Variants in SATL1 observed in about 807,000 individuals in gnomAD.
SATL1 encodes the protein spermidine/spermine N1-acetyl transferase like 1.
SATL1 carries 47 observed loss-of-function variants against 51.8 expected under a neutral mutation model. That is an observed-to-expected ratio of 0.91 (90% CI 0.72 to 1.16). The LOEUF (loss-of-function observed/expected upper bound fraction) is 1.16, where lower values mean the gene tolerates loss of function less well. Among genes scored for constraint, SATL1 ranks in the 50% most tolerant of loss-of-function variants. The probability of loss-of-function intolerance (pLI) is 0.00; values close to 1 mark genes in which losing one functional copy is unlikely to be tolerated. For synonymous variants in SATL1, 176 were observed against 182.4 expected, an observed-to-expected ratio of 0.97 and a Z score of 0.28; for missense variants, 520 against 526.4, an observed-to-expected ratio of 0.99 and a Z score of 0.12.
At position 85,094,915 on chromosome X, in the gene SATL1, C is replaced by T. The variant is rs1472904279; in HGVS notation, c.1774+1G>A. ...AACTGGAGAAGAAAGGTTTACTCTA[C>T]CTGATGGTTTTTGTTGATCGTTTAC... On this transcript the variant is annotated splice_donor_variant, in intron 5 of 7. Transcript: ENST00000644105. LOFTEE classifies it high-confidence loss of function. The T allele has an allele frequency of 1.1e-5, 13 of 1,147,310 alleles. No homozygotes were observed. Among genetic ancestry groups the T allele is most frequent in the Non-Finnish European group, 1.5e-5 (13 of 841,213 alleles). 94.6% of individuals were successfully genotyped at this position (1,147,310 alleles called of 1,213,427 possible). A position where few individuals can be genotyped will look rare whatever the true frequency, so the allele number is the denominator to read the frequency against.
At chrX:85,162,349 A>G (rs1926740560) in intron 2 of SATL1, among the ~76,000 whole-genome samples, 1 of 111,395 alleles carries the variant, frequency 9.0e-6, no homozygotes, top group Admixed American at 9.6e-5. Flanking sequence ...AAACCATTCA[A>G]AAGATCAATC....
At chrX:85,183,207 G>C (rs989514075) in intron 2 of SATL1, among the ~76,000 whole-genome samples, 1 of 110,131 alleles carries the variant, frequency 9.1e-6, no homozygotes, top group Non-Finnish European at 1.9e-5. Context: ...TTATAGTTTC[G>C]GGTTCTATAT....
At chrX:85,224,768 CAAA>C (rs58905613) in intron 1 of SATL1, among the ~76,000 whole-genome samples, 1,583 of 59,729 alleles carry the variant, frequency 0.027, 37 homozygotes, top group African/African-American at 0.079. Flanking sequence ...GAGTATATAT[CAAA>C]AAAAAAAAAA....
chrX:85,095,913 A>G (rs1924707904), intron 4 of SATL1, among the ~76,000 whole-genome samples: 1 of 109,192 alleles, frequency 9.2e-6, no homozygotes, highest in Admixed American at 9.8e-5. Context: ...CCTGACACAG[A>G]GAACGCCCTG....
chrX:85,217,900 T>C (rs1282007721), intron 2 of SATL1, among the ~76,000 whole-genome samples: 2 of 111,941 alleles, frequency 1.8e-5, no homozygotes, highest in East Asian at 2.8e-4. Context: ...GCAACAAATA[T>C]ATATATTTTA....
At chrX:85,202,718 C>A (rs1289500843) in intron 2 of SATL1, among the ~76,000 whole-genome samples, 1 of 112,000 alleles carries the variant, frequency 8.9e-6, no homozygotes, top group Non-Finnish European at 1.9e-5. Flanking sequence ...TGCTGTGGGC[C>A]CAAGCCAGGC....
intron 2 of SATL1, among the ~76,000 whole-genome samples, chrX:85,115,637 A>C (rs1227047100): frequency 8.9e-6 from 1 of 112,344 alleles, no homozygotes; most frequent in Non-Finnish European, 1.9e-5. Flanking sequence ...GTGAAGTGTA[A>C]CTAGAGAAAA....
chrX:85,150,771 C>T (rs1325660321), intron 2 of SATL1, among the ~76,000 whole-genome samples: 108 of 110,206 alleles, frequency 9.8e-4, no homozygotes, highest in African/African-American at 3.0e-3. Flanking sequence ...AACAACCCTT[C>T]ATGCTAAAAA....
intron 2 of SATL1, among the ~76,000 whole-genome samples, chrX:85,212,373 A>T (rs1927946175): frequency 8.9e-6 from 1 of 111,946 alleles, no homozygotes; most frequent in African/African-American, 3.2e-5. Context: ...ATTGTACTTC[A>T]TTTATTTAAG....
At chrX:85,214,862 T>A (rs1211536656) in intron 2 of SATL1, among the ~76,000 whole-genome samples, 1 of 111,953 alleles carries the variant, frequency 8.9e-6, no homozygotes, top group African/African-American at 3.3e-5. Context: ...TCTTGCATCC[T>A]GGGCACACTG....
intron 2 of SATL1, chrX:85,209,170 T>C (rs1927853439): frequency 8.9e-6 from 1 of 112,166 alleles, no homozygotes; most frequent in Admixed American, 9.5e-5. Flanking sequence ...TGCTTGTTTT[T>C]GTCAGGTTTG....
intron 2 of SATL1, among the ~76,000 whole-genome samples, chrX:85,190,436 T>C (rs1229665251): frequency 8.9e-6 from 1 of 111,737 alleles, no homozygotes; most frequent in African/African-American, 3.3e-5. Context: ...TCAATCTCAC[T>C]TTCTTTTTTC....
chrX:85,148,575 G>T (rs1056140048), intron 2 of SATL1, among the ~76,000 whole-genome samples: 10 of 111,059 alleles, frequency 9.0e-5, no homozygotes, highest in African/African-American at 2.6e-4. Flanking sequence ...GAAAGGTCGG[G>T]TTACCCACAA....
At chrX:85,239,129 GAAATA>G (rs1470477375) in intron 1 of SATL1, among the ~76,000 whole-genome samples, 71 of 110,349 alleles carry the variant, frequency 6.4e-4, no homozygotes, top group African/African-American at 1.5e-3. Flanking sequence ...AAAATAAAAT[GAAATA>G]AAATAAAATA....
At chrX:85,117,239 C>A (rs1381869380) in intron 2 of SATL1, 1 of 111,427 alleles carries the variant, frequency 9.0e-6, no homozygotes, top group Non-Finnish European at 1.9e-5. Context: ...TTCATTCTCA[C>A]GTTAAAGCTT....
At chrX:85,115,111 G>A (rs1925353185) in intron 2 of SATL1, among the ~76,000 whole-genome samples, 1 of 111,912 alleles carries the variant, frequency 8.9e-6, no homozygotes, top group African/African-American at 3.2e-5. Context: ...TTCATGGAAA[G>A]CCTTCAAATG....
intron 2 of SATL1, among the ~76,000 whole-genome samples, chrX:85,179,830 C>A (rs1397703153): frequency 9.1e-6 from 1 of 109,857 alleles, no homozygotes; most frequent in East Asian, 2.9e-4. Context: ...GACTAAGCAA[C>A]AGAACCAGGA....
chrX:85,226,723 A>G (rs1011474410), intron 1 of SATL1, among the ~76,000 whole-genome samples: 3 of 110,811 alleles, frequency 2.7e-5, no homozygotes, highest in African/African-American at 9.8e-5. Context: ...CCTCTCTTCC[A>G]GAGAGCTATC....
At chrX:85,103,380 T>C (rs989556018) in intron 4 of SATL1, among the ~76,000 whole-genome samples, 3 of 112,135 alleles carry the variant, frequency 2.7e-5, no homozygotes, top group Non-Finnish European at 5.6e-5. Context: ...TGTCTTCACC[T>C]AGTCTTTGCC....
Sources: allele counts gnomAD v4.1 joint callset (sites outside exome capture counted in the v4.1 genomes callset), GRCh38; gene constraint gnomAD v4.1.1; transcripts MANE v1.5; gene names NCBI Gene and HGNC (gene_info 2026-07-23, HGNC 2026-07-21).